PACRG: variants seen among roughly 807,000 people sequenced by gnomAD.
PACRG encodes the protein parkin coregulated gene protein.
Under a neutral mutation model 29.7 loss-of-function variants are expected in PACRG, and 29 were observed. The ratio of observed to expected loss-of-function variants is 0.98; its 90% CI spans 0.73 to 1.33. The LOEUF is 1.33. Among genes scored for constraint, PACRG ranks in the 40% most tolerant of loss-of-function variants. The pLI is 0.00. For synonymous variants in PACRG, 116 were observed against 118.7 expected (o/e 0.98, Z 0.15); for missense variants, 279 against 316.2 (o/e 0.88, Z 0.89).
intron 2 of PACRG, among the ~76,000 whole-genome samples, chr6:162,980,835 C>G (rs1053247543): frequency 6.6e-6 from 1 of 152,072 alleles, no homozygotes; most frequent in African/African-American, 2.4e-5. Context: ...GTAATTACTA[C>G]AATACAAGTT....
intron 2 of PACRG, among the ~76,000 whole-genome samples, chr6:163,008,051 C>A (rs553716736): frequency 1.3e-5 from 2 of 152,170 alleles, no homozygotes; most frequent in Non-Finnish European, 2.9e-5. Flanking sequence ...ACTGGATTTA[C>A]AAACTCTAGA....
chr6:162,935,389 A>C (rs921323786), intron 2 of PACRG, among the ~76,000 whole-genome samples: 1 of 128,034 alleles, frequency 7.8e-6, no homozygotes, highest in East Asian at 2.4e-4. Context: ...ATTCTGTTTT[A>C]TTCTTTTTTT....
At chr6:162,862,863 G>C (rs896689587) in intron 2 of PACRG, among the ~76,000 whole-genome samples, 1 of 152,144 alleles carries the variant, frequency 6.6e-6, no homozygotes, top group African/African-American at 2.4e-5. Context: ...GTCTCATCTC[G>C]AAGGCAGGCG....
chr6:162,754,469 G>A (rs930694101), intron 1 of PACRG, among the ~76,000 whole-genome samples: 1 of 151,988 alleles, frequency 6.6e-6, no homozygotes, highest in Non-Finnish European at 1.5e-5. Context: ...TTAGTTTGAT[G>A]CCATCCATTT....
intron 4 of PACRG, among the ~76,000 whole-genome samples, chr6:163,148,926 T>G (rs958184132): frequency 1.7e-5 from 2 of 118,916 alleles, no homozygotes; most frequent in African/African-American, 3.3e-5. Flanking sequence ...AGTATTCTCG[T>G]GGAAGTGAAT....
At chr6:163,307,984 C>G (rs1038531452) in intron 4 of PACRG, among the ~76,000 whole-genome samples, 1 of 152,136 alleles carries the variant, frequency 6.6e-6, no homozygotes, top group South Asian at 2.1e-4. Context: ...TATTCTAAAA[C>G]AGGTAACACT....
chr6:162,774,853 A>G (rs971446410), intron 1 of PACRG, among the ~76,000 whole-genome samples: 2 of 152,132 alleles, frequency 1.3e-5, no homozygotes, highest in African/African-American at 4.8e-5. Context: ...TTAATTCTAT[A>G]TGACCATCTG....
chr6:162,930,051 G>A (rs1481743394), intron 2 of PACRG, among the ~76,000 whole-genome samples: 1 of 151,460 alleles, frequency 6.6e-6, no homozygotes, highest in Admixed American at 6.6e-5. Flanking sequence ...TATTTTCTCT[G>A]CTCAAGATTT....
intron 4 of PACRG, among the ~76,000 whole-genome samples, chr6:163,297,942 G>C (rs1446497968): frequency 6.6e-6 from 1 of 152,190 alleles, no homozygotes; most frequent in Non-Finnish European, 1.5e-5. Flanking sequence ...TGACCGTGCA[G>C]TGTCCTCTGC....
At chr6:163,039,854 C>T (rs6932427) in intron 2 of PACRG, among the ~76,000 whole-genome samples, 23,200 of 152,186 alleles carry the variant, frequency 0.15, 1,911 homozygotes, top group East Asian at 0.26. Flanking sequence ...GGAACCAGAG[C>T]AGAAAAGTTT....
rs1803413223 is a variant in PACRG at position 162,991,092 on chromosome 6, A to G, written c.292-71058A>G. Among the ~76,000 whole-genome samples the G allele has an allele frequency of 1.2e-3, 3 of 2,608 alleles. 1 individual carries two copies. Among genetic ancestry groups the G allele is most frequent in the Admixed American group, 9.8e-3 (3 of 306 alleles). 1.7% of individuals were successfully genotyped at this position (2,608 alleles called of 152,430 possible). ...CTGAGGGCTCTGTTCTGTTCCATTG[A>G]TCTATATCTCTGTTTTGGTACCAGT... On this transcript the variant is annotated intron_variant, in intron 2 of 4. Transcript: ENST00000366888.
At chr6:163,273,037 G>A (rs1585390135) in intron 4 of PACRG, among the ~76,000 whole-genome samples, 1 of 146,814 alleles carries the variant, frequency 6.8e-6, no homozygotes, top group Non-Finnish European at 1.5e-5. Context: ...GACTACAGGC[G>A]CCCGCCACTA....
intron 2 of PACRG, among the ~76,000 whole-genome samples, chr6:163,059,804 T>C (rs889139246): frequency 1.3e-5 from 2 of 152,216 alleles, no homozygotes; most frequent in African/African-American, 4.8e-5. Context: ...TTCACAACAG[T>C]GTCTGGCATC....
chr6:163,138,987 A>G (rs183169422), intron 4 of PACRG, among the ~76,000 whole-genome samples: 7 of 152,316 alleles, frequency 4.6e-5, no homozygotes, highest in Non-Finnish European at 7.4e-5. Context: ...GACCGGCCAT[A>G]TCCTGACTCC....
At chr6:163,215,789 G>A (rs1781337651) in intron 4 of PACRG, among the ~76,000 whole-genome samples, 8 of 152,182 alleles carry the variant, frequency 5.3e-5, no homozygotes. Context: ...AGAATGACAG[G>A]AGAGACAGAA....
At chr6:162,828,603 T>C (rs1788479790) in intron 2 of PACRG, among the ~76,000 whole-genome samples, 1 of 152,092 alleles carries the variant, frequency 6.6e-6, no homozygotes, top group South Asian at 2.1e-4. Flanking sequence ...TGATAAATGG[T>C]AATAGTATGA....
rs552279215 is a variant in PACRG at position 163,010,973 on chromosome 6, G to A, written c.292-51177G>A. On this transcript the variant is annotated intron_variant, in intron 2 of 4. Transcript: ENST00000366888. ...GAGGATCTGCTGCAGTGAGATGTGCGGCCCAGAGGAGCAGAGGAAACTCTT... is the reference window on the plus strand; with the variant it reads ...GAGGATCTGCTGCAGTGAGATGTGCAGCCCAGAGGAGCAGAGGAAACTCTT... 2.0e-4 allele frequency among the ~76,000 whole-genome samples: 30 copies of A among 152,316 alleles called. No individual in the cohort carries two copies. The East Asian group carries it at 3.5e-3, about 18-fold the overall frequency.
At chr6:163,218,993 A>G (rs989115758) in intron 4 of PACRG, among the ~76,000 whole-genome samples, 2 of 152,214 alleles carry the variant, frequency 1.3e-5, no homozygotes, top group African/African-American at 4.8e-5. Context: ...CTCCGCATAG[A>G]AGGTCCACAG....
intron 4 of PACRG, among the ~76,000 whole-genome samples, chr6:163,291,840 C>T (rs2128187374): frequency 6.6e-6 from 1 of 151,976 alleles, no homozygotes; most frequent in East Asian, 1.9e-4. Flanking sequence ...GGTGGGGAGG[C>T]CCTGACTCTT....
Sources: gnomAD v4.1 joint callset for allele counts (sites outside exome capture counted in the v4.1 genomes callset) on GRCh38, gnomAD v4.1.1 for gene constraint, MANE v1.5 for transcripts, NCBI Gene and HGNC (gene_info 2026-07-23, HGNC 2026-07-21) for gene names.